The following SMYD3 variants were observed in gnomAD, a reference collection of about 807,000 sequenced individuals.
The protein encoded by SMYD3 is histone-lysine N-methyltransferase SMYD3.
A neutral mutation model predicts 57.7 loss-of-function variants in SMYD3; 36 were observed. The ratio of observed to expected loss-of-function variants is 0.62; its 90% CI spans 0.48 to 0.82. SMYD3 has a LOEUF of 0.82. Ranked by LOEUF, SMYD3 falls within the 40% of genes least tolerant of loss-of-function variation. The pLI is 0.00. For missense variants in SMYD3, 515 were observed against 538.8 expected, an observed-to-expected ratio of 0.96 and a Z score of 0.44; for synonymous variants, 211 against 195.0, an observed-to-expected ratio of 1.08 and a Z score of -0.68.
At chr1:245,761,573 T>C (rs1237537300) in intron 11 of SMYD3, among the ~76,000 whole-genome samples, 1 of 152,194 alleles carries the variant, frequency 6.6e-6, no homozygotes, top group Non-Finnish European at 1.5e-5. Flanking sequence ...GCAATCTAAA[T>C]CTTCTCTGAT....
At chr1:246,215,861 G>A (rs2063155857) in intron 5 of SMYD3, among the ~76,000 whole-genome samples, 1 of 152,110 alleles carries the variant, frequency 6.6e-6, no homozygotes, top group Non-Finnish European at 1.5e-5. Context: ...AAGTCAGTGT[G>A]TATCTTCCAC....
chr1:245,784,545 A>T (rs1391098218), intron 10 of SMYD3, among the ~76,000 whole-genome samples: 1 of 151,980 alleles, frequency 6.6e-6, no homozygotes, highest in African/African-American at 2.4e-5. Context: ...CTTCATTTTC[A>T]CCTCTGGCAC....
chr1:246,059,574 AAAC>A (rs1453000918), intron 5 of SMYD3, among the ~76,000 whole-genome samples: 6 of 152,190 alleles, frequency 3.9e-5, no homozygotes, highest in Non-Finnish European at 8.8e-5. Flanking sequence ...TCTAAACTGA[AAAC>A]AACATATCTC....
chr1:246,357,848 A>G (rs1470830566), intron 1 of SMYD3, among the ~76,000 whole-genome samples: 1 of 152,186 alleles, frequency 6.6e-6, no homozygotes, highest in Non-Finnish European at 1.5e-5. Flanking sequence ...AATACACCAA[A>G]ATAGAACCTC....
chr1:245,913,423 A>T, intron 8 of SMYD3, among the ~76,000 whole-genome samples: 1 of 152,026 alleles, frequency 6.6e-6, no homozygotes, highest in Non-Finnish European at 1.5e-5. Flanking sequence ...ATGACAAGTT[A>T]ATGGGTGCAG....
At chr1:246,157,028 C>T (rs911332895) in intron 5 of SMYD3, among the ~76,000 whole-genome samples, 1 of 152,176 alleles carries the variant, frequency 6.6e-6, no homozygotes, top group Non-Finnish European at 1.5e-5. Flanking sequence ...ATACGCAGAC[C>T]GCAAAGCTTA....
At chr1:246,418,000 C>G (rs974346197) in intron 1 of SMYD3, among the ~76,000 whole-genome samples, 2 of 152,332 alleles carry the variant, frequency 1.3e-5, no homozygotes, top group African/African-American at 4.8e-5. Flanking sequence ...TGTTGGATTT[C>G]TCTAACCATC....
chr1:246,123,638 T>G (rs2061460084), intron 5 of SMYD3, among the ~76,000 whole-genome samples: 1 of 150,884 alleles, frequency 6.6e-6, no homozygotes, highest in Non-Finnish European at 1.5e-5. Flanking sequence ...CTGCACTGAC[T>G]TTCCTAATGG....
chr1:245,886,887 C>G (rs1395508050), intron 8 of SMYD3, among the ~76,000 whole-genome samples: 1 of 152,110 alleles, frequency 6.6e-6, no homozygotes, highest in Non-Finnish European at 1.5e-5. Context: ...CAGCATAGGC[C>G]ATCCCTCACC....
intron 8 of SMYD3, among the ~76,000 whole-genome samples, chr1:245,867,308 T>C (rs924366316): frequency 4.6e-5 from 7 of 152,230 alleles, no homozygotes; most frequent in African/African-American, 1.4e-4. Flanking sequence ...ATTTTGGCCT[T>C]CTGAGACTTG....
intron 5 of SMYD3, among the ~76,000 whole-genome samples, chr1:246,262,225 G>A (rs1170949704): frequency 6.6e-6 from 1 of 152,190 alleles, no homozygotes; most frequent in African/African-American, 2.4e-5. Context: ...CAAAAGCCCT[G>A]TGGATTGTTA....
At chr1:246,291,830 T>A (rs998853570) in intron 5 of SMYD3, among the ~76,000 whole-genome samples, 1 of 152,206 alleles carries the variant, frequency 6.6e-6, no homozygotes, top group Non-Finnish European at 1.5e-5. Flanking sequence ...CACAGGTAGG[T>A]AGTAAAGGAG....
intron 10 of SMYD3, among the ~76,000 whole-genome samples, chr1:245,842,499 C>T (rs1428945872): frequency 2.0e-5 from 3 of 152,126 alleles, no homozygotes; most frequent in Non-Finnish European, 4.4e-5. Context: ...GAAACCACTA[C>T]TCAACAGGAA....
intron 1 of SMYD3, chr1:246,426,144 T>C (rs1375166853): frequency 2.0e-5 from 3 of 152,224 alleles, no homozygotes; most frequent in African/African-American, 4.8e-5. Context: ...TAACTCATTA[T>C]TGTTTACATT....
intron 5 of SMYD3, among the ~76,000 whole-genome samples, chr1:246,261,716 A>T (rs1325047127): frequency 6.6e-6 from 1 of 152,152 alleles, no homozygotes; most frequent in Non-Finnish European, 1.5e-5. Flanking sequence ...TTAAAAAAAA[A>T]ATCAGTTCTC....
chr1:245,993,004 C>G (rs1045195320), intron 5 of SMYD3, among the ~76,000 whole-genome samples: 1 of 152,106 alleles, frequency 6.6e-6, no homozygotes, highest in African/African-American at 2.4e-5. Flanking sequence ...AGCTACTCTA[C>G]AATCTATCAA....
In SMYD3 at chr1:246,202,913, G is replaced by T. The variant is rs928028717; in HGVS notation, c.531+124288C>A. On this transcript the variant is annotated intron_variant, in intron 5 of 11. Transcript: ENST00000490107. This position sits in a 1 kb window ranked among gnomAD's most constrained non-coding sequence, Gnocchi z 4.1. ...AGGCCAAGATAGTGGATCACTTGAGGTCAGGAGTTCGAGACCAGCCTGGCC... is the reference window on the plus strand; with the variant it reads ...AGGCCAAGATAGTGGATCACTTGAGTTCAGGAGTTCGAGACCAGCCTGGCC... Among the ~76,000 whole-genome samples the T allele has an allele frequency of 3.3e-5, 5 of 152,086 alleles. No individual in the cohort carries two copies. The highest frequency in any genetic ancestry group is 1.2e-4 in the African/African-American group (5 of 41,404).
At chr1:246,502,379 G>A (rs2068470400) in intron 1 of SMYD3, among the ~76,000 whole-genome samples, 2 of 152,010 alleles carry the variant, frequency 1.3e-5, no homozygotes, top group African/African-American at 4.8e-5. Flanking sequence ...CGATCCACCT[G>A]CCTCGACCTC....
At chr1:245,974,581 C>T (rs112605553) in intron 5 of SMYD3, among the ~76,000 whole-genome samples, 7 of 162 alleles carry the variant, frequency 0.043, no homozygotes, top group African/African-American at 0.22. Flanking sequence ...GTCTCCGGCC[C>T]AGGGAAAGCC....
Sources: gnomAD v4.1 joint callset for allele counts (sites outside exome capture counted in the v4.1 genomes callset) on GRCh38, gnomAD v4.1.1 for gene constraint, Gnocchi (gnomAD v3.1) non-coding constraint, MANE v1.5 for transcripts, NCBI Gene and HGNC (gene_info 2026-07-23, HGNC 2026-07-21) for gene names.